The following CACNA1C variants were observed in gnomAD, a reference collection of about 807,000 sequenced individuals.
CACNA1C encodes the protein voltage-dependent L-type calcium channel subunit alpha-1C.
A neutral mutation model predicts 229.0 loss-of-function variants in CACNA1C; 30 were observed. The observed-to-expected ratio is 0.13, with a 90% CI of 0.10 to 0.18. The LOEUF (loss-of-function observed/expected upper bound fraction) is 0.18, where lower values mean the gene tolerates loss of function less well. Among genes scored for constraint, CACNA1C ranks in the 10% least tolerant of loss-of-function variants. CACNA1C has a pLI of 1.00. For missense variants in CACNA1C, 1,658 were observed against 2,845.0 expected (o/e 0.58, Z 9.49); for synonymous variants, 1,114 against 1,132.5 (o/e 0.98, Z 0.33).
At chr12:2,435,583 C>T (rs999144386) in intron 3 of CACNA1C, among the ~76,000 whole-genome samples, 1 of 152,164 alleles carries the variant, frequency 6.6e-6, no homozygotes, top group East Asian at 1.9e-4. Context: ...CTCTGCAGCA[C>T]CCCTGGAGTT....
intron 1 of CACNA1C, chr12:2,018,304 T>TA (rs2045767961): frequency 6.6e-6 from 1 of 152,236 alleles, no homozygotes; most frequent in Non-Finnish European, 1.5e-5. Flanking sequence ...TAAAATGTGG[T>TA]AAAATAATTA....
rs534238948 is a variant in CACNA1C at position 2,220,330 on chromosome 12, C to T, written c.477+99900C>T. 2.3e-4 allele frequency among the ~76,000 whole-genome samples: 35 copies of T among 152,240 alleles called. 1 individual carries two copies. Among genetic ancestry groups the T allele is most frequent in the African/African-American group, 6.5e-4 (27 of 41,544 alleles). ...GAGTTGTGAGGCCTGTGCATGCTAACGCATGTGATACACCAGCTACAGTGC... is the reference window on the plus strand; with the variant it reads ...GAGTTGTGAGGCCTGTGCATGCTAATGCATGTGATACACCAGCTACAGTGC... On this transcript the variant is annotated intron_variant, in intron 3 of 46. Transcript: ENST00000399655.
chr12:2,417,900 TTCTTCTAGC>T (rs141063064), intron 3 of CACNA1C, among the ~76,000 whole-genome samples: 93 of 152,132 alleles, frequency 6.1e-4, no homozygotes, highest in African/African-American at 2.2e-3. Flanking sequence ...AGAGCAGACA[TTCTTCTAGC>T]TGCATATTCA....
rs893064138 is a variant in CACNA1C, at chr12:2,641,167, C to T, written c.3912+6787C>T. On this transcript the variant is annotated intron_variant, in intron 30 of 46. Transcript: ENST00000399655. Reference sequence around the variant, plus strand: ...ATTTGTCCAAGGACATTAGGGTGTACACACCTTAGAGACCACCTAGCCCAA... The same window carrying T: ...ATTTGTCCAAGGACATTAGGGTGTATACACCTTAGAGACCACCTAGCCCAA... Among the ~76,000 whole-genome samples, 94 of 152,360 alleles carry T rather than the reference C, an allele frequency of 6.2e-4. 1 individual carries two copies. The highest frequency in any genetic ancestry group is 2.2e-3 in the African/African-American group (91 of 41,584).
At chr12:2,582,027 T>A (rs2060662954) in intron 14 of CACNA1C, among the ~76,000 whole-genome samples, 1 of 151,594 alleles carries the variant, frequency 6.6e-6, no homozygotes, top group African/African-American at 2.4e-5. Flanking sequence ...ATAAGTGGTT[T>A]AAAAATGCCT....
At chr12:2,238,535 G>T (rs2068430470) in intron 3 of CACNA1C, among the ~76,000 whole-genome samples, 1 of 152,206 alleles carries the variant, frequency 6.6e-6, no homozygotes, top group African/African-American at 2.4e-5. Context: ...GGATGAGTCT[G>T]TCAGTCTGAC....
chr12:2,437,819 G>A (rs558207879), intron 3 of CACNA1C, among the ~76,000 whole-genome samples: 7 of 150,732 alleles, frequency 4.6e-5, no homozygotes, highest in East Asian at 2.0e-4. Context: ...GATGGTGGTG[G>A]TGGTAATGGT....
chr12:2,005,811 G>T (rs571580520), intron 1 of CACNA1C, among the ~76,000 whole-genome samples: 55 of 152,298 alleles, frequency 3.6e-4, no homozygotes, highest in African/African-American at 1.2e-3. Flanking sequence ...GATTTTTAAT[G>T]TAACAGTATG....
chr12:2,546,753 T>C (rs895399863), intron 9 of CACNA1C, among the ~76,000 whole-genome samples: 5 of 152,242 alleles, frequency 3.3e-5, no homozygotes, highest in Non-Finnish European at 7.3e-5. Flanking sequence ...TGACAGGCAA[T>C]TTAACAACTT....
chr12:2,426,693 G>A (rs2099035442), intron 3 of CACNA1C, among the ~76,000 whole-genome samples: 1 of 152,204 alleles, frequency 6.6e-6, no homozygotes, highest in South Asian at 2.1e-4. Context: ...GACCTAGCAG[G>A]GCTCCACTGA....
At chr12:2,106,355 A>AGTG (rs1565718589) in intron 1 of CACNA1C, among the ~76,000 whole-genome samples, 7 of 28,894 alleles carry the variant, frequency 2.4e-4, no homozygotes, top group African/African-American at 8.9e-4. Flanking sequence ...TCAGCTGGGC[A>AGTG]TCGTGAAGCC....
At chr12:2,304,667 C>A (rs2094867853) in intron 3 of CACNA1C, among the ~76,000 whole-genome samples, 1 of 152,186 alleles carries the variant, frequency 6.6e-6, no homozygotes, top group East Asian at 1.9e-4. Flanking sequence ...AAAGCACATT[C>A]CCAGGAGGCT....
At chr12:2,058,346 G>A (rs2056077660) in intron 1 of CACNA1C, among the ~76,000 whole-genome samples, 1 of 152,202 alleles carries the variant, frequency 6.6e-6, no homozygotes, top group Admixed American at 6.5e-5. Flanking sequence ...TTCAGATTTA[G>A]CAGACAATTT....
In CACNA1C at chr12:2,582,273, T is replaced by C. The variant is rs560926921; in HGVS notation, c.2103+476T>C. Among the ~76,000 whole-genome samples the C allele has an allele frequency of 4.7e-4, 71 of 152,258 alleles. No individual in the cohort carries two copies. In the South Asian group the frequency reaches 0.015, roughly 32 times the overall value. Reference sequence around the variant, plus strand: ...TGACGAAACCCTGGCTTTCCTACCATGCTTGTCTCTTGAAAAAAATATTAC... The same window carrying C: ...TGACGAAACCCTGGCTTTCCTACCACGCTTGTCTCTTGAAAAAAATATTAC... On this transcript the variant is annotated intron_variant, in intron 14 of 46. Coordinates refer to ENST00000399655, the MANE Select transcript of CACNA1C (RefSeq NM_000719.7).
intron 34 of CACNA1C, among the ~76,000 whole-genome samples, chr12:2,656,981 AT>A (rs1479509353): frequency 6.6e-6 from 1 of 152,224 alleles, no homozygotes; most frequent in Non-Finnish European, 1.5e-5. Flanking sequence ...GGAAAAATGT[AT>A]TTTTGAATCT....
intron 3 of CACNA1C, among the ~76,000 whole-genome samples, chr12:2,168,131 G>C (rs2096319027): frequency 6.6e-6 from 1 of 152,174 alleles, no homozygotes; most frequent in Non-Finnish European, 1.5e-5. Flanking sequence ...ACAGCTTAAA[G>C]AAAGGCAGAG....
At chr12:2,468,500 G>A (rs1423727700) in intron 5 of CACNA1C, among the ~76,000 whole-genome samples, 1 of 152,202 alleles carries the variant, frequency 6.6e-6, no homozygotes, top group East Asian at 1.9e-4. Flanking sequence ...AGGCTATCTA[G>A]TTCAGACTGT....
At chr12:2,089,848 CA>C (rs1296684322) in intron 1 of CACNA1C, among the ~76,000 whole-genome samples, 2 of 146,836 alleles carry the variant, frequency 1.4e-5, no homozygotes, top group African/African-American at 5.1e-5. Flanking sequence ...GCCTGGCCAA[CA>C]TAGTGAAACC....
At chr12:2,294,982 A>G (rs766904819) in intron 3 of CACNA1C, among the ~76,000 whole-genome samples, 13 of 152,022 alleles carry the variant, frequency 8.6e-5, no homozygotes, top group Non-Finnish European at 1.6e-4. Flanking sequence ...GAAGGGGTGT[A>G]TTTGGCCTGT....
Sources: gnomAD v4.1 joint callset for allele counts (sites outside exome capture counted in the v4.1 genomes callset) on GRCh38, gnomAD v4.1.1 for gene constraint, MANE v1.5 for transcripts, NCBI Gene and HGNC (gene_info 2026-07-23, HGNC 2026-07-21) for gene names.